The following BRD1 variants were observed in gnomAD, a reference collection of about 807,000 sequenced individuals.
BRD1 encodes the protein bromodomain-containing protein 1.
BRD1 carries 24 observed loss-of-function variants against 107.7 expected under a neutral mutation model. That is an observed-to-expected ratio of 0.22 (90% confidence interval 0.16 to 0.31). The LOEUF (loss-of-function observed/expected upper bound fraction) is 0.31. Ranked by LOEUF, BRD1 falls within the 10% of genes least tolerant of loss-of-function variation. The probability of loss-of-function intolerance (pLI) is 1.00; values close to 1 mark genes in which losing one functional copy is unlikely to be tolerated. For synonymous variants in BRD1, 744 were observed against 686.1 expected, an observed-to-expected ratio of 1.08 and a Z score of -1.32; for missense variants, 1,279 against 1,638.6, an observed-to-expected ratio of 0.78 and a Z score of 3.79.
At chr22:49,775,888 C>T in intron 11 of BRD1, 143 bp from the exon 12 acceptor site, 1 of 1,210,126 alleles carries the variant, frequency 8.3e-7, no homozygotes, top group Non-Finnish European at 1.1e-6. Context: ...GCCGAACCAC[C>T]CCTGCCCCTT....
chr22:49,796,506 G>A lies in BRD1; in HGVS notation c.2098+1299C>T, dbSNP rs555553520. On this transcript the variant is annotated intron_variant, in intron 6 of 12. Coordinates refer to ENST00000404760, the MANE Select transcript of BRD1 (RefSeq NM_001304808.3). ...GAAATAGCTGGGATTACAGGCATGCGCCACCATGCCCGGCTAATTTTTTGT... is the reference window on the plus strand; with the variant it reads ...GAAATAGCTGGGATTACAGGCATGCACCACCATGCCCGGCTAATTTTTTGT... Among the ~76,000 whole-genome samples the A allele has an allele frequency of 6.1e-4, 93 of 152,054 alleles. 1 individual carries two copies. Among genetic ancestry groups the A allele is most frequent in the Admixed American group, 5.5e-3 (84 of 15,280 alleles).
intron 2 of BRD1, among the ~76,000 whole-genome samples, chr22:49,807,436 T>G (rs780101162): frequency 6.6e-6 from 1 of 152,164 alleles, no homozygotes; most frequent in African/African-American, 2.4e-5. Flanking sequence ...ACCATGGGAA[T>G]AGCAGAGAAC....
chr22:49,804,859 A>G (rs540289933), intron 2 of BRD1, among the ~76,000 whole-genome samples: 13 of 152,230 alleles, frequency 8.5e-5, no homozygotes, highest in African/African-American at 3.1e-4. Flanking sequence ...TCAAAAATAA[A>G]ATTAAAAAAA....
chr22:49,778,984 G>A (rs2059153577), intron 8 of BRD1, among the ~76,000 whole-genome samples: 1 of 152,178 alleles, frequency 6.6e-6, no homozygotes, highest in African/African-American at 2.4e-5. Flanking sequence ...TATCCAAAAA[G>A]AACCCCGTTT....
In BRD1 at chr22:49,798,596, G is replaced by C; in HGVS notation, c.1747C>G (p.Pro583Ala). ...SVLDQLQDKD[P>A]ARIFAQPVSL... ...ACGGGCTGCGCAAATATCCTGGCGG[G>C]GTCCTTGTCTTGCAGCTGGTCCAGC... The change falls in exon 5 of 13, where the codon CCC (proline) becomes GCC (alanine). Residue 583 changes from proline (P) to alanine (A), a missense_variant. This residue lies in a region of BRD1 where 406 missense variants were observed against 519.4 expected (regional missense o/e 0.78). Coordinates refer to ENST00000404760, the MANE Select transcript of BRD1 (RefSeq NM_001304808.3). 1 of 1,614,170 alleles carries C rather than the reference G, an allele frequency of 6.2e-7. No homozygotes were observed. The highest frequency in any genetic ancestry group is 8.5e-7 in the Non-Finnish European group (1 of 1,180,024).
At chr22:49,820,222 G>T (rs191432394) in intron 2 of BRD1, among the ~76,000 whole-genome samples, 1 of 152,178 alleles carries the variant, frequency 6.6e-6, no homozygotes, top group Non-Finnish European at 1.5e-5. Flanking sequence ...CGTCCCTGAA[G>T]GCAGATTCTG....
chr22:49,812,130 G>A (rs1339392988), intron 2 of BRD1, among the ~76,000 whole-genome samples: 1 of 130,450 alleles, frequency 7.7e-6, no homozygotes, highest in Non-Finnish European at 1.6e-5. Context: ...TTTTGAGACA[G>A]TCTTGCTCTG....
In BRD1 at chr22:49,803,561, G is replaced by C. The variant is rs1413611426; in HGVS notation, c.1524+643C>G. 6.6e-6 allele frequency among the ~76,000 whole-genome samples: 1 copy of C among 152,116 alleles called. No individual in the cohort carries two copies. The highest frequency in any genetic ancestry group is 1.9e-4 in the East Asian group (1 of 5,186). On this transcript the variant is annotated intron_variant, in intron 3 of 12. Coordinates refer to ENST00000404760, the MANE Select transcript of BRD1 (RefSeq NM_001304808.3). This position sits in a 1 kb window ranked among gnomAD's most constrained non-coding sequence, Gnocchi z 4.4. ...TTCACTCTGTAAACCCATTTTTTCAGAACTGTTTCACAGTATCAGATGAGT... is the reference window on the plus strand; with the variant it reads ...TTCACTCTGTAAACCCATTTTTTCACAACTGTTTCACAGTATCAGATGAGT...
chr22:49,809,043 C>G (rs192559447), intron 2 of BRD1, among the ~76,000 whole-genome samples: 1 of 151,702 alleles, frequency 6.6e-6, no homozygotes, highest in Admixed American at 6.6e-5. Context: ...TGCTTGAACC[C>G]GGGAGGAAGA....
chr22:49,809,804 T>C (rs993758813), intron 2 of BRD1, among the ~76,000 whole-genome samples: 5 of 152,066 alleles, frequency 3.3e-5, no homozygotes, highest in Non-Finnish European at 5.9e-5. Flanking sequence ...AAATATCAAA[T>C]GCAAAACCTC....
intron 2 of BRD1, among the ~76,000 whole-genome samples, chr22:49,820,505 C>T (rs1327879881): frequency 6.6e-6 from 1 of 152,212 alleles, no homozygotes; most frequent in African/African-American, 2.4e-5. Context: ...TGGGAGGAGG[C>T]TGAGGCGGGA....
chr22:49,824,260 A>G lies in BRD1; in HGVS notation c.58T>C (p.Cys20Arg), dbSNP rs1293599622. 10 of 1,613,882 alleles carry G rather than the reference A, an allele frequency of 6.2e-6. No homozygotes were observed. The highest frequency in any genetic ancestry group is 8.5e-6 in the Non-Finnish European group (10 of 1,180,030). Residue 20 changes from cysteine (C) to arginine (R), a missense_variant, in exon 2 of 13, where the codon TGC (cysteine) becomes CGC (arginine). Coordinates refer to ENST00000404760, the MANE Select transcript of BRD1 (RefSeq NM_001304808.3). This position sits in a 1 kb window ranked among gnomAD's most constrained non-coding sequence, Gnocchi z 5.9. Reference protein sequence around the residue: ...GSAARHPSSPCSVKHSPTRET... With the variant: ...GSAARHPSSPRSVKHSPTRET... ...CGCGTAGGGGAGTGTTTAACACTGCATGGGGAAGAAGGATGCCTCGCTGCA... is the reference window on the plus strand; with the variant it reads ...CGCGTAGGGGAGTGTTTAACACTGCGTGGGGAAGAAGGATGCCTCGCTGCA...
At chr22:49,818,296 GCAGT>G (rs2059994327) in intron 2 of BRD1, 3 of 1,278,392 alleles carry the variant, frequency 2.3e-6, no homozygotes, top group South Asian at 2.5e-5. Context: ...AAGATCTGAA[GCAGT>G]CAAAGGAACC....
intron 8 of BRD1, among the ~76,000 whole-genome samples, chr22:49,779,122 G>A (rs1022575184): frequency 6.6e-6 from 1 of 152,038 alleles, no homozygotes; most frequent in Non-Finnish European, 1.5e-5. Context: ...CACCAAGGAT[G>A]GAGTGCAATG....
intron 7 of BRD1, among the ~76,000 whole-genome samples, chr22:49,791,323 T>G (rs1050503669): frequency 1.3e-5 from 2 of 152,214 alleles, no homozygotes; most frequent in Non-Finnish European, 2.9e-5. Context: ...AGGAGGCATC[T>G]CCTTCCTTCA....
At chr22:49,808,815 C>T (rs1450356650) in intron 2 of BRD1, among the ~76,000 whole-genome samples, 3 of 152,160 alleles carry the variant, frequency 2.0e-5, no homozygotes, top group Admixed American at 6.5e-5. Context: ...CCATCTGAGT[C>T]AATACATCAG....
intron 8 of BRD1, 87 bp downstream of exon 8, chr22:49,787,299 ACCCC>A (rs138839): frequency 4.4e-5 from 24 of 546,642 alleles, no homozygotes; most frequent in African/African-American, 8.9e-5. Flanking sequence ...GAAGCTGGAC[ACCCC>A]CCCCCCCCCG....
intron 2 of BRD1, chr22:49,818,334 G>A: frequency 7.9e-7 from 1 of 1,271,300 alleles, no homozygotes; most frequent in Admixed American, 2.4e-5. Context: ...CCGTCTGCCT[G>A]CTGATCACAG....
intron 2 of BRD1, among the ~76,000 whole-genome samples, chr22:49,816,745 T>G (rs1381959086): frequency 6.6e-6 from 1 of 152,158 alleles, no homozygotes; most frequent in African/African-American, 2.4e-5. Context: ...TAAAATAGAC[T>G]AGGGCCAGGT....
Sources: allele counts gnomAD v4.1 joint callset (sites outside exome capture counted in the v4.1 genomes callset), GRCh38; gene constraint gnomAD v4.1.1; regional missense constraint gnomAD v4.1.1; non-coding constraint Gnocchi (gnomAD v3.1); transcripts MANE v1.5; gene names NCBI Gene and HGNC (gene_info 2026-07-23, HGNC 2026-07-21).